The following ZFPM1 variants were observed in gnomAD, a reference collection of about 807,000 sequenced individuals.
ZFPM1 encodes zinc finger protein ZFPM1.
A neutral mutation model predicts 46.3 loss-of-function variants in ZFPM1; 28 were observed. That is an observed-to-expected ratio of 0.60 (90% CI 0.45 to 0.83). The LOEUF (loss-of-function observed/expected upper bound fraction) is 0.83, where lower values mean the gene tolerates loss of function less well. Among genes scored for constraint, ZFPM1 ranks in the 40% least tolerant of loss-of-function variants. The pLI is 0.00. For synonymous variants in ZFPM1, 957 were observed against 675.9 expected (o/e 1.42, Z -6.45); for missense variants, 1,878 against 1,432.4 (o/e 1.31, Z -5.02).
chr16:88,533,652 C>T lies in ZFPM1; in HGVS notation c.1694C>T (p.Ala565Val), dbSNP rs1458844111. Reference sequence around the variant, plus strand: ...GGCGCGGGCGCGGGCGCCGGCGGCGCGCAGACCGGGCTCTTCCCCGGGGCC... The same window carrying T: ...GGCGCGGGCGCGGGCGCCGGCGGCGTGCAGACCGGGCTCTTCCCCGGGGCC... The part of the protein sequence containing the change: ...QQGAGAGAGG[A>V]QTGLFPGAPK... Residue 565 changes from alanine to valine, a missense_variant, in exon 10 of 10, where the codon GCG becomes GTG. Coordinates refer to ENST00000319555, the MANE Select transcript of ZFPM1 (RefSeq NM_153813.3). 3 of 1,468,480 alleles carry T rather than the reference C, an allele frequency of 2.0e-6. No homozygotes were observed. Among genetic ancestry groups the T allele is most frequent in the Non-Finnish European group, 2.7e-6 (3 of 1,107,362 alleles). 91.0% of individuals were successfully genotyped at this position (1,468,480 alleles called of 1,614,324 possible). A position where few individuals can be genotyped will look rare whatever the true frequency, so the allele number is the denominator to read the frequency against.
chr16:88,530,116 C>T (rs1008929782), intron 6 of ZFPM1, among the ~76,000 whole-genome samples: 2 of 152,230 alleles, frequency 1.3e-5, no homozygotes, highest in South Asian at 4.1e-4. Context: ...CCATTGCACC[C>T]CTCCACCAGG....
chr16:88,504,048 G>T (rs1032520753), intron 3 of ZFPM1, among the ~76,000 whole-genome samples: 2 of 152,008 alleles, frequency 1.3e-5, no homozygotes, highest in African/African-American at 4.8e-5. Flanking sequence ...TGCCAGGCTG[G>T]GTAGATGGTC....
Position 88,485,981 on chromosome 16 carries a change from T to C in ZFPM1, c.83T>C (p.Val28Ala). ...DMEAREEVQL[V>A]GASHMEQKAT... ...GAGGCCAGAGAGGAGGTGCAGTTGG[T>C]GGGTGCCAGCCACATGGAGCAAAAG... The change falls in exon 2 of 10, where the codon GTG (valine) becomes GCG (alanine). Residue 28 changes from valine to alanine, a missense_variant. By Grantham distance (64) the Val-to-Ala change is moderately conservative (BLOSUM62 0). Coordinates refer to ENST00000319555, the MANE Select transcript of ZFPM1 (RefSeq NM_153813.3). 2 of 1,612,758 alleles carry C rather than the reference T, an allele frequency of 1.2e-6. No homozygotes were observed. Among genetic ancestry groups the C allele is most frequent in the South Asian group, 1.1e-5 (1 of 91,080 alleles).
chr16:88,496,463 C>T (rs1909935918), intron 3 of ZFPM1, among the ~76,000 whole-genome samples: 2 of 152,032 alleles, frequency 1.3e-5, no homozygotes, highest in South Asian at 4.2e-4. Flanking sequence ...CCAGACCCCG[C>T]CCCACCCCCA....
intron 3 of ZFPM1, among the ~76,000 whole-genome samples, chr16:88,495,178 C>A (rs1419173674): frequency 6.6e-6 from 1 of 152,226 alleles, no homozygotes; most frequent in African/African-American, 2.4e-5. Flanking sequence ...AGCCGGGGTC[C>A]CATTCGACTC....
chr16:88,515,796 A>T (rs1224290820), intron 4 of ZFPM1, among the ~76,000 whole-genome samples: 1 of 152,238 alleles, frequency 6.6e-6, no homozygotes, highest in East Asian at 1.9e-4. Context: ...CATGGTGTTT[A>T]GAGCTGGTTC....
intron 1 of ZFPM1, 30 bp downstream of exon 1, chr16:88,453,708 C>T: frequency 1.7e-6 from 2 of 1,178,632 alleles, no homozygotes; most frequent in South Asian, 2.1e-5. Flanking sequence ...CGGTCCCCTC[C>T]GCGCGCCCGA....
chr16:88,518,537 G>A (rs1382655337), intron 4 of ZFPM1, among the ~76,000 whole-genome samples: 1 of 149,654 alleles, frequency 6.7e-6, no homozygotes, highest in African/African-American at 2.5e-5. Context: ...ATAGATGGAT[G>A]AGTGGATGGA....
rs112040905 is a variant in ZFPM1 at position 88,489,587 on chromosome 16, C to T, written c.268+434C>T. Among the ~76,000 whole-genome samples the T allele has an allele frequency of 1.6e-3, 250 of 152,326 alleles. 1 individual carries two copies. Among genetic ancestry groups the T allele is most frequent in the African/African-American group, 5.8e-3 (242 of 41,574 alleles). On this transcript the variant is annotated intron_variant, in intron 3 of 9. Coordinates refer to ENST00000319555, the MANE Select transcript of ZFPM1 (RefSeq NM_153813.3). ...CAGGCAGGCGGTCAGGCCTGAAGGGCAGGAGAGGGCCCCACCCCACTCCAG... is the reference window on the plus strand; with the variant it reads ...CAGGCAGGCGGTCAGGCCTGAAGGGTAGGAGAGGGCCCCACCCCACTCCAG...
chr16:88,493,614 G>A lies in ZFPM1; in HGVS notation c.268+4461G>A, dbSNP rs368097438. 1.3e-3 allele frequency among the ~76,000 whole-genome samples: 195 copies of A among 148,172 alleles called. 1 individual carries two copies. The highest frequency in any genetic ancestry group is 4.7e-3 in the African/African-American group (188 of 39,946). Reference sequence around the variant, plus strand: ...GTCCCGGGGTAGGGAGAGCTGTCCCGGGGTACAGAGAGCTGTCCCGGGGTG... The same window carrying A: ...GTCCCGGGGTAGGGAGAGCTGTCCCAGGGTACAGAGAGCTGTCCCGGGGTG... On this transcript the variant is annotated intron_variant, in intron 3 of 9. Coordinates refer to ENST00000319555, the MANE Select transcript of ZFPM1 (RefSeq NM_153813.3).
chr16:88,496,431 G>A (rs1248251451), intron 3 of ZFPM1, among the ~76,000 whole-genome samples: 10 of 151,978 alleles, frequency 6.6e-5, no homozygotes, highest in Non-Finnish European at 8.8e-5. Context: ...TGCAGTTCCC[G>A]GGCAAGCAAT....
intron 1 of ZFPM1, among the ~76,000 whole-genome samples, chr16:88,458,369 G>T (rs1597224596): frequency 6.6e-6 from 1 of 152,186 alleles, no homozygotes. Flanking sequence ...AGGCTCATCC[G>T]GGCCTTCCTT....
Position 88,533,377 on chromosome 16 carries a change from C to G in ZFPM1, c.1419C>G (p.Ala473=). The G allele has an allele frequency of 1.3e-6, 2 of 1,528,218 alleles. No individual in the cohort carries two copies. The highest frequency in any genetic ancestry group is 1.7e-6 in the Non-Finnish European group (2 of 1,143,380). The allele number at this position is 1,528,218 out of a possible 1,614,324, so 94.7% of individuals were successfully genotyped here. Residue 473 remains alanine (A), a synonymous_variant, in exon 10 of 10, where the codon GCC becomes GCG. Coordinates refer to ENST00000319555, the MANE Select transcript of ZFPM1 (RefSeq NM_153813.3). Reference sequence around the variant, plus strand: ...AGGCGGTGGAGGAGCCGGAGGCGGCCCCCATCCTGGGCCCCGGAGAGCCTG... The same window carrying G: ...AGGCGGTGGAGGAGCCGGAGGCGGCGCCCATCCTGGGCCCCGGAGAGCCTG... ...KVEAVEEPEA[A]PILGPGEPGP... is the part of the protein sequence containing the mutation.
chr16:88,532,485 G>GGT, intron 7 of ZFPM1, 129 bp from the exon 8 acceptor site: 1 of 961,232 alleles, frequency 1.0e-6, no homozygotes, highest in Non-Finnish European at 1.5e-6. Flanking sequence ...GAGGAGGAGG[G>GGT]GTTTAAAGAC....
intron 7 of ZFPM1, 98 bp from the exon 8 acceptor site, chr16:88,532,516 G>A (rs969977441): frequency 3.9e-5 from 50 of 1,294,026 alleles, no homozygotes; most frequent in East Asian, 7.6e-5. Context: ...AGGGTCCCCC[G>A]GCACAGATCA....
Position 88,535,987 on chromosome 16 carries a change from C to G in ZFPM1, c.*1008C>G, listed in dbSNP as rs546605880. 6.6e-6 allele frequency: 1 copy of G among 152,302 alleles called. No individual in the cohort carries two copies. Among genetic ancestry groups the G allele is most frequent in the African/African-American group, 2.4e-5 (1 of 41,550 alleles). 9.4% of individuals were successfully genotyped at this position (152,302 alleles called of 1,614,324 possible). On this transcript the variant is annotated 3_prime_UTR_variant, in exon 10 of 10. Coordinates refer to ENST00000319555, the MANE Select transcript of ZFPM1 (RefSeq NM_153813.3). ...ACTTTATTTTTTTATTTTTGGGTCT[C>G]ACTCTCTTGCCCAGGCTGGAGTCCC...
At chr16:88,484,778 C>G (rs987870239) in intron 1 of ZFPM1, among the ~76,000 whole-genome samples, 3 of 152,182 alleles carry the variant, frequency 2.0e-5, no homozygotes, top group African/African-American at 7.2e-5. Flanking sequence ...CATCACCAGC[C>G]CCGCCGGCGG....
intron 6 of ZFPM1, among the ~76,000 whole-genome samples, chr16:88,528,900 C>T (rs1912558453): frequency 6.6e-6 from 1 of 152,232 alleles, no homozygotes; most frequent in African/African-American, 2.4e-5. Flanking sequence ...GGGGACAGAG[C>T]CGCCCCTGGG....
intron 3 of ZFPM1, among the ~76,000 whole-genome samples, chr16:88,489,617 G>C (rs559741411): frequency 4.7e-4 from 72 of 152,340 alleles, no homozygotes; most frequent in African/African-American, 1.6e-3. Flanking sequence ...CTCCAGAGCG[G>C]CTGCAGCCTA....
Sources: gnomAD v4.1 joint callset for allele counts (sites outside exome capture counted in the v4.1 genomes callset) on GRCh38, gnomAD v4.1.1 for gene constraint, MANE v1.5 for transcripts, NCBI Gene and HGNC (gene_info 2026-07-23, HGNC 2026-07-21) for gene names.